Variants in SEMA3A observed in about 807,000 individuals in gnomAD.
The protein encoded by SEMA3A is semaphorin-3A.
A neutral mutation model predicts 97.9 loss-of-function variants in SEMA3A; 29 were observed. The ratio of observed to expected loss-of-function variants is 0.30; its 90% CI spans 0.22 to 0.40. The LOEUF is 0.40. SEMA3A is among the 10% of genes least tolerant of loss of function. SEMA3A has a pLI of 1.00. For synonymous variants in SEMA3A, 321 were observed against 323.7 expected (o/e 0.99, Z 0.09); for missense variants, 763 against 951.3 (o/e 0.80, Z 2.60).
chr7:84,350,869 A>T (rs73711534), intron 2 of SEMA3A, among the ~76,000 whole-genome samples: 4,485 of 152,192 alleles, frequency 0.029, 207 homozygotes, highest in African/African-American at 0.1. Context: ...GTTGAAACAT[A>T]GTTAACATGA....
chr7:83,964,540 A>G (rs1200326107), intron 15 of SEMA3A, among the ~76,000 whole-genome samples: 2 of 152,136 alleles, frequency 1.3e-5, no homozygotes, highest in Non-Finnish European at 2.9e-5. Context: ...CAATCCCTGT[A>G]CAAGGCCTGT....
chr7:84,257,859 C>T (rs557521124), intron 3 of SEMA3A, among the ~76,000 whole-genome samples: 2 of 152,174 alleles, frequency 1.3e-5, no homozygotes, highest in South Asian at 4.1e-4. Context: ...ACAACTTAAA[C>T]TAGTGAGACA....
intron 2 of SEMA3A, among the ~76,000 whole-genome samples, chr7:84,347,689 C>T (rs999324050): frequency 2.6e-5 from 4 of 152,082 alleles, no homozygotes; most frequent in Non-Finnish European, 5.9e-5. Context: ...GAATTACAGG[C>T]ATGAGCCACC....
intron 4 of SEMA3A, among the ~76,000 whole-genome samples, chr7:84,069,828 G>A (rs1332490835): frequency 1.3e-5 from 2 of 152,030 alleles, no homozygotes; most frequent in Admixed American, 6.6e-5. Context: ...CACTAATATT[G>A]CTGTTTCTGT....
At chr7:84,342,041 A>ATT (rs879357975) in intron 2 of SEMA3A, among the ~76,000 whole-genome samples, 2 of 145,640 alleles carry the variant, frequency 1.4e-5, no homozygotes, top group Admixed American at 6.9e-5. Flanking sequence ...CTTGTCACTA[A>ATT]TTTTTTTTTT....
At chr7:84,098,611 AC>A (rs1400970226) in intron 4 of SEMA3A, among the ~76,000 whole-genome samples, 1 of 152,160 alleles carries the variant, frequency 6.6e-6, no homozygotes. Context: ...GGTGACATAC[AC>A]TATTTCAGCA....
intron 1 of SEMA3A, among the ~76,000 whole-genome samples, chr7:84,459,465 T>C (rs919008746): frequency 6.6e-6 from 1 of 152,152 alleles, no homozygotes; most frequent in Non-Finnish European, 1.5e-5. Context: ...AAACAATAAC[T>C]TGTAATCTTT....
At chr7:84,313,378 A>T (rs866361498) in intron 2 of SEMA3A, among the ~76,000 whole-genome samples, 2 of 81,366 alleles carry the variant, frequency 2.5e-5, no homozygotes, top group Non-Finnish European at 5.3e-5. Context: ...ATATATATAT[A>T]TATATATATA....
chr7:84,232,934 T>C (rs972941186), intron 3 of SEMA3A, among the ~76,000 whole-genome samples: 1 of 152,016 alleles, frequency 6.6e-6, no homozygotes, highest in Admixed American at 6.6e-5. Flanking sequence ...TAGTGTTTGA[T>C]GTCAACAAGT....
chr7:84,294,821 G>C (rs1424560533), intron 3 of SEMA3A, among the ~76,000 whole-genome samples: 1 of 151,998 alleles, frequency 6.6e-6, no homozygotes, highest in African/African-American at 2.4e-5. Context: ...TCCCCCCACA[G>C]AAAGTTGTTC....
intron 4 of SEMA3A, among the ~76,000 whole-genome samples, chr7:84,106,753 A>G (rs1795120692): frequency 6.6e-6 from 1 of 152,180 alleles, no homozygotes; most frequent in Admixed American, 6.5e-5. Flanking sequence ...TGATAAGTCT[A>G]TAATGTCATT....
chr7:84,238,347 G>A (rs1799282914), intron 3 of SEMA3A, among the ~76,000 whole-genome samples: 1 of 152,126 alleles, frequency 6.6e-6, no homozygotes, highest in South Asian at 2.1e-4. Flanking sequence ...GATTACAGGT[G>A]TGAGCCATCG....
intron 4 of SEMA3A, among the ~76,000 whole-genome samples, chr7:84,073,843 A>T (rs1214087837): frequency 6.7e-6 from 1 of 149,670 alleles, no homozygotes; most frequent in Non-Finnish European, 1.5e-5. Flanking sequence ...GTTCCAACAA[A>T]GCTATGGCTT....
At chr7:83,995,292 G>C (rs527326841) in intron 12 of SEMA3A, among the ~76,000 whole-genome samples, 49 of 152,204 alleles carry the variant, frequency 3.2e-4, no homozygotes, top group African/African-American at 1.2e-3. Flanking sequence ...CGCTCACTCT[G>C]GGAGCTGTAG....
intron 15 of SEMA3A, among the ~76,000 whole-genome samples, chr7:83,974,816 G>T (rs545406934): frequency 6.6e-5 from 10 of 152,134 alleles, no homozygotes; most frequent in African/African-American, 2.2e-4. Flanking sequence ...ATTCAAAAAG[G>T]AATATTTTAT....
rs115655758 is a variant in SEMA3A at position 84,110,776 on chromosome 7, T to G, written c.334-187A>C. Among the ~76,000 whole-genome samples, 3,186 of 152,130 alleles carry G rather than the reference T, an allele frequency of 0.021. 117 individuals are homozygous for G. The highest frequency in any genetic ancestry group is 0.073 in the African/African-American group (3,041 of 41,478). On this transcript the variant is annotated intron_variant, in intron 3 of 16. Coordinates refer to ENST00000265362, the MANE Select transcript of SEMA3A (RefSeq NM_006080.3). ...TGTTTTGCTTATATTATAATATGCA[T>G]TAAAATATAGAGTTTCTTACTCTGG...
intron 1 of SEMA3A, among the ~76,000 whole-genome samples, chr7:84,483,888 C>A (rs983085597): frequency 2.0e-5 from 3 of 151,432 alleles, no homozygotes; most frequent in African/African-American, 7.3e-5. Flanking sequence ...ACTAAAAATA[C>A]AAAAAATCAG....
intron 1 of SEMA3A, among the ~76,000 whole-genome samples, chr7:84,408,737 C>G: frequency 2.6e-5 from 4 of 151,508 alleles, no homozygotes; most frequent in Non-Finnish European, 2.9e-5. Context: ...AGTTCATGTC[C>G]TTTGTAGGGA....
chr7:84,143,947 TCTAA>T (rs1357731075), intron 1 of SEMA3A, among the ~76,000 whole-genome samples: 22 of 73,340 alleles, frequency 3.0e-4, no homozygotes, highest in Admixed American at 8.0e-4. Flanking sequence ...TCTCTCTCTC[TCTAA>T]CACACACACA....
Sources: gnomAD v4.1 joint callset for allele counts (sites outside exome capture counted in the v4.1 genomes callset) on GRCh38, gnomAD v4.1.1 for gene constraint, MANE v1.5 for transcripts, NCBI Gene and HGNC (gene_info 2026-07-23, HGNC 2026-07-21) for gene names.